Variants in TMEM183A observed in about 807,000 individuals in gnomAD.
TMEM183A encodes the protein chromosome 1 open reading frame 37.
Under a neutral mutation model 46.7 loss-of-function variants are expected in TMEM183A, and 21 were observed. That is an observed-to-expected ratio of 0.45 (90% CI 0.32 to 0.65). The LOEUF is 0.65. Ranked by LOEUF, TMEM183A falls within the 30% of genes least tolerant of loss-of-function variation. The pLI is 0.04. For missense variants in TMEM183A, 331 were observed against 481.9 expected, an observed-to-expected ratio of 0.69 and a Z score of 2.93; for synonymous variants, 165 against 180.2, an observed-to-expected ratio of 0.92 and a Z score of 0.68.
At chr1:203,022,272 C>T (rs1657771418) in intron 7 of TMEM183A, among the ~76,000 whole-genome samples, 1 of 152,098 alleles carries the variant, frequency 6.6e-6, no homozygotes, top group Admixed American at 6.5e-5. Context: ...GGGGTTTGCT[C>T]AGGCTGGTCT....
At chr1:203,012,278 C>T (rs1427306454) in intron 3 of TMEM183A, among the ~76,000 whole-genome samples, 3 of 147,162 alleles carry the variant, frequency 2.0e-5, no homozygotes, top group Admixed American at 6.8e-5. Flanking sequence ...CACACACACA[C>T]GGTTATTTTG....
intron 7 of TMEM183A, 140 bp from the exon 8 acceptor site, chr1:203,022,715 A>G: frequency 2.3e-6 from 3 of 1,277,252 alleles, no homozygotes; most frequent in Non-Finnish European, 3.2e-6. Flanking sequence ...AAAAAAAAAA[A>G]AAAGGTGTTT....
chr1:203,014,952 A>G lies in TMEM183A; in HGVS notation c.431A>G (p.Tyr144Cys), dbSNP rs771627204. The change falls in exon 4 of 8, where the codon TAT (tyrosine) becomes TGT (cysteine). Residue 144 changes from tyrosine to cysteine, a missense_variant. By Grantham distance (194) the Tyr-to-Cys change is radical. Transcript: ENST00000367242. Reference sequence around the variant, plus strand: ...GATATTTGGCTATTGCTGGCCTCCTATATCCGTCCTGAGGACATTGTGAAT... The same window carrying G: ...GATATTTGGCTATTGCTGGCCTCCTGTATCCGTCCTGAGGACATTGTGAAT... ...PMDIWLLLASYIRPEDIVNFS... is the reference protein window; with the variant it reads ...PMDIWLLLASCIRPEDIVNFS... 3 of 1,613,914 alleles carry G rather than the reference A, an allele frequency of 1.9e-6. No individual in the cohort carries two copies. The highest frequency in any genetic ancestry group is 3.3e-5 in the Admixed American group (2 of 60,004).
Position 203,016,078 on chromosome 1 carries a change from G to A in TMEM183A, c.646G>A (p.Ala216Thr). ...SLYHMYEPFAARISKNPAIPE... is the reference protein window; with the variant it reads ...SLYHMYEPFATRISKNPAIPE... ...GTACCATATGTATGAGCCATTTGCT[G>A]CTCGAATCTCCAAGAATCCAGCCAT... Residue 216 changes from alanine to threonine, a missense_variant, in exon 5 of 8, where the codon GCT (alanine) becomes ACT (threonine). Coordinates refer to ENST00000367242, the MANE Select transcript of TMEM183A (RefSeq NM_138391.6). 1.2e-6 allele frequency: 2 copies of A among 1,614,196 alleles called. No homozygotes were observed. Among genetic ancestry groups the A allele is most frequent in the Non-Finnish European group, 1.7e-6 (2 of 1,180,028 alleles).
intron 3 of TMEM183A, among the ~76,000 whole-genome samples, chr1:203,009,217 A>G (rs955918743): frequency 1.3e-5 from 2 of 152,234 alleles, no homozygotes; most frequent in Non-Finnish European, 2.9e-5. Flanking sequence ...ATTTTACGTT[A>G]ACTAGTTTTG....
intron 1 of TMEM183A, 42 bp from the exon 2 acceptor site, chr1:203,007,732 C>A (rs779705598): frequency 6.2e-7 from 1 of 1,607,982 alleles, no homozygotes; most frequent in South Asian, 1.1e-5. Flanking sequence ...AAGACGCTGA[C>A]GAGAGAAGGC....
chr1:203,015,144 T>G lies in TMEM183A; in HGVS notation c.527+96T>G, dbSNP rs1461884009. 3.9e-6 allele frequency: 6 copies of G among 1,531,896 alleles called. No homozygotes were observed. In the African/African-American group the frequency reaches 4.1e-5, roughly 10 times the overall value. 94.9% of individuals were successfully genotyped at this position (1,531,896 alleles called of 1,614,324 possible). On this transcript the variant is annotated intron_variant, in intron 4 of 7. Transcript: ENST00000367242. ...TCACTGGATGGTGACCTCTTTTCAC[T>G]TTCTCTACTCCATGTCTGGGCATGA...
chr1:203,015,338 C>G (rs1455388176), intron 4 of TMEM183A: 1 of 422,500 alleles, frequency 2.4e-6, no homozygotes, highest in Non-Finnish European at 4.2e-6. Flanking sequence ...TCTTCAGAGG[C>G]TTATTTTAGC....
chr1:203,010,540 G>C (rs1260470911), intron 3 of TMEM183A, among the ~76,000 whole-genome samples: 1 of 152,134 alleles, frequency 6.6e-6, no homozygotes, highest in Non-Finnish European at 1.5e-5. Flanking sequence ...AAACACCACT[G>C]GTCCTGAGCA....
At position 203,015,945 on chromosome 1, in the gene TMEM183A, T is replaced by G; in HGVS notation, c.528-15T>G. On this transcript the variant is annotated splice_polypyrimidine_tract_variant and intron_variant, in intron 4 of 7. Coordinates refer to ENST00000367242, the MANE Select transcript of TMEM183A (RefSeq NM_138391.6). ...ACAGGTCACATATTGGTAGGAGTAA[T>G]GTGTCATGTTTCAGGCACTACACGC... 6.2e-7 allele frequency: 1 copy of G among 1,612,150 alleles called. No individual in the cohort carries two copies. Among genetic ancestry groups the G allele is most frequent in the Non-Finnish European group, 8.5e-7 (1 of 1,178,670 alleles).
rs545312597 is a variant in TMEM183A, at chr1:203,024,451, A to G, written c.*1411A>G. On this transcript the variant is annotated 3_prime_UTR_variant, in exon 8 of 8. Transcript: ENST00000367242. ...TAAGACAGTATTCTTTAAAAGTGAA[A>G]ATCTTGTGAGGCAAACTGCTAAATT... 79 of 151,698 alleles carry G rather than the reference A, an allele frequency of 5.2e-4. No individual in the cohort carries two copies. The highest frequency in any genetic ancestry group is 1.8e-3 in the African/African-American group (73 of 41,232). The allele number at this position is 151,698 out of a possible 1,614,324, so 9.4% of individuals were successfully genotyped here. A position where few individuals can be genotyped will look rare whatever the true frequency, so the allele number is the denominator to read the frequency against.
chr1:203,022,915 T>A lies in TMEM183A; in HGVS notation c.1006T>A (p.Ser336Thr), dbSNP rs951979616. The change falls in exon 8 of 8, where the codon TCC becomes ACC. Residue 336 changes from serine to threonine, a missense_variant. Ser to Thr is a moderately conservative substitution (Grantham distance 58, BLOSUM62 1). Coordinates refer to ENST00000367242, the MANE Select transcript of TMEM183A (RefSeq NM_138391.6). ...TCGAGTGAGACTGGTGTTCCAAGATTCCCCTGTCCATGGTGGTCGGAAACT... is the reference window on the plus strand; with the variant it reads ...TCGAGTGAGACTGGTGTTCCAAGATACCCCTGTCCATGGTGGTCGGAAACT... The part of the protein sequence containing the change: ...HHRVRLVFQD[S>T]PVHGGRKLRS... The A allele has an allele frequency of 6.2e-7, 1 of 1,613,244 alleles. No homozygotes were observed. The highest frequency in any genetic ancestry group is 8.5e-7 in the Non-Finnish European group (1 of 1,179,756).
rs1657150297 is a variant in TMEM183A at position 203,016,149 on chromosome 1, G to A, written c.708+9G>A. On this transcript the variant is annotated intron_variant, in intron 5 of 7. Coordinates refer to ENST00000367242, the MANE Select transcript of TMEM183A (RefSeq NM_138391.6). ...CATTAAAGAATTCCAAAGTAAGTGA[G>A]AATTTGTGTTGGGGTTTGACTAATG... is the stretch of plus-strand genomic sequence containing the variant. 1.9e-6 allele frequency: 3 copies of A among 1,613,982 alleles called. No homozygotes were observed. Among genetic ancestry groups the A allele is most frequent in the African/African-American group, 2.7e-5 (2 of 74,928 alleles).
intron 3 of TMEM183A, among the ~76,000 whole-genome samples, chr1:203,011,869 C>CTT (rs11315785): frequency 9.0e-6 from 1 of 110,966 alleles, no homozygotes; most frequent in Non-Finnish European, 1.9e-5. Context: ...TCAGACTGGT[C>CTT]TTTTTTTTTT....
intron 3 of TMEM183A, among the ~76,000 whole-genome samples, chr1:203,009,817 C>G (rs1431080546): frequency 2.0e-5 from 3 of 152,118 alleles, no homozygotes; most frequent in Non-Finnish European, 4.4e-5. Flanking sequence ...TTCTGATGAT[C>G]AGCTACGTTT....
chr1:203,023,177 G>A lies in TMEM183A; in HGVS notation c.*137G>A. On this transcript the variant is annotated 3_prime_UTR_variant, in exon 8 of 8. Coordinates refer to ENST00000367242, the MANE Select transcript of TMEM183A (RefSeq NM_138391.6). The stretch of plus-strand genomic sequence containing the variant: ...TCAGGTTCTAGGGCTCCTGTTAGGG[G>A]AGGGAGAAATGTTGAATCAAGAGGG... 1 of 497,822 alleles carries A rather than the reference G, an allele frequency of 2.0e-6. No individual in the cohort carries two copies. Among genetic ancestry groups the A allele is most frequent in the East Asian group, 3.1e-5 (1 of 31,780 alleles). The allele number at this position is 497,822 out of a possible 1,614,324, so 30.8% of individuals were successfully genotyped here. A position where few individuals can be genotyped will look rare whatever the true frequency, so the allele number is the denominator to read the frequency against.
chr1:203,020,550 A>C (rs1241380941), intron 6 of TMEM183A, among the ~76,000 whole-genome samples: 1 of 152,252 alleles, frequency 6.6e-6, no homozygotes, highest in African/African-American at 2.4e-5. Flanking sequence ...ATTTCTTGTC[A>C]GATGGCAAGG....
chr1:203,017,668 AG>A (rs35300902), intron 5 of TMEM183A: 2 of 903,036 alleles, frequency 2.2e-6, no homozygotes, highest in African/African-American at 3.6e-5. Context: ...CGTGGCATTC[AG>A]GGAGTTGCCA....
intron 1 of TMEM183A, 95 bp downstream of exon 1, chr1:203,007,669 C>T: frequency 3.9e-6 from 6 of 1,545,532 alleles, no homozygotes; most frequent in Non-Finnish European, 4.4e-6. Flanking sequence ...GTGCCCGCGG[C>T]TGGAGGGCGG....
Sources: allele counts gnomAD v4.1 joint callset (sites outside exome capture counted in the v4.1 genomes callset), GRCh38; gene constraint gnomAD v4.1.1; transcripts MANE v1.5; gene names NCBI Gene and HGNC (gene_info 2026-07-23, HGNC 2026-07-21).